Variants in SLC28A2 observed in about 807,000 individuals in gnomAD.
SLC28A2 encodes solute carrier family 28 member 2, also known as sodium/nucleoside cotransporter 2.
SLC28A2 carries 69 observed loss-of-function variants against 72.9 expected under a neutral mutation model. The observed-to-expected ratio is 0.95, with a 90% confidence interval of 0.78 to 1.16. The LOEUF is 1.16. Ranked by LOEUF, SLC28A2 falls within the 50% of genes most tolerant of loss-of-function variation. The probability of loss-of-function intolerance (pLI) is 0.00; values close to 1 mark genes in which losing one functional copy is unlikely to be tolerated. For synonymous variants in SLC28A2, 296 were observed against 294.1 expected (o/e 1.01, Z -0.07); for missense variants, 745 against 791.1 (o/e 0.94, Z 0.70).
rs1404082843 is a variant in SLC28A2 at position 45,253,573 on chromosome 15, C to T, written c.170+53C>T. ...TTAGGAAAGGATCTAGGGTGGGCTG[C>T]CCCTTCAGGCAGCTTGTGGTATTAT... is the stretch of plus-strand genomic sequence containing the variant. On this transcript the variant is annotated intron_variant, in intron 3 of 17. Transcript: ENST00000347644. 3.4e-6 allele frequency: 4 copies of T among 1,168,758 alleles called. No individual in the cohort carries two copies. In the African/African-American group the frequency reaches 6.1e-5, roughly 18 times the overall value. The allele number at this position is 1,168,758 out of a possible 1,614,324, so 72.4% of individuals were successfully genotyped here. A position where few individuals can be genotyped will look rare whatever the true frequency, so the allele number is the denominator to read the frequency against.
At chr15:45,257,602 T>A (rs961547769) in intron 3 of SLC28A2, among the ~76,000 whole-genome samples, 1 of 152,234 alleles carries the variant, frequency 6.6e-6, no homozygotes, top group Non-Finnish European at 1.5e-5. Flanking sequence ...TCTGTATTGA[T>A]TTTTAAGTAT....
Position 45,266,264 on chromosome 15 carries a change from C to T in SLC28A2, c.942+103C>T, listed in dbSNP as rs549544941. 6.4e-5 allele frequency: 53 copies of T among 828,666 alleles called. No individual in the cohort carries two copies. The South Asian group carries it at 6.7e-4, about 10-fold the overall frequency. 51.3% of individuals were successfully genotyped at this position (828,666 alleles called of 1,614,324 possible). ...TTCTGAAAAGTCAAATAAATGAAGA[C>T]TGTGGGGCAGCCAATCTTGGATGAG... On this transcript the variant is annotated intron_variant, in intron 10 of 17. Coordinates refer to ENST00000347644, the MANE Select transcript of SLC28A2 (RefSeq NM_004212.4).
At chr15:45,262,997 G>A (rs1900207730) in intron 4 of SLC28A2, 64 bp from the exon 5 acceptor site, 1 of 1,390,394 alleles carries the variant, frequency 7.2e-7, no homozygotes, top group Non-Finnish European at 1.0e-6. Context: ...TTCATGACTG[G>A]AGTTTCATTT....
rs748555699 is a variant in SLC28A2 at position 45,265,134 on chromosome 15, G to A, written c.748G>A (p.Asp250Asn). 7.4e-6 allele frequency: 12 copies of A among 1,612,476 alleles called. No individual in the cohort carries two copies. The highest frequency in any genetic ancestry group is 1.0e-5 in the Non-Finnish European group (12 of 1,178,554). The change falls in exon 8 of 18, where the codon GAT becomes AAT. Residue 250 changes from aspartate to asparagine, a missense_variant. Coordinates refer to ENST00000347644, the MANE Select transcript of SLC28A2 (RefSeq NM_004212.4). ...GGCCGGCTCCAGTTTTGTCTTTGGG[G>A]ATACACTGGTCAAGGATGTCTTTGC... ...TVAGSSFVFG[D>N]TLVKDVFAFQ...
Position 45,269,524 on chromosome 15 carries a change from C to T in SLC28A2, c.1555C>T (p.Gln519Ter), listed in dbSNP as rs547420621. 6.2e-7 allele frequency: 1 copy of T among 1,613,346 alleles called. No homozygotes were observed. Among genetic ancestry groups the T allele is most frequent in the East Asian group, 2.2e-5 (1 of 44,896 alleles). ...GGAGGAGTGGATTGAGGGAGAGAAA[C>T]AGTGGATTTCTGTAAGTGACAATCC... The part of the protein sequence containing the change: ...GMEEWIEGEK[Q>*]WISVRAEIIT... The change falls in exon 14 of 18, where the codon CAG (glutamine) becomes TAG (stop). Residue 519 changes from glutamine to a stop codon, truncating the protein, a stop_gained. Coordinates refer to ENST00000347644, the MANE Select transcript of SLC28A2 (RefSeq NM_004212.4). LOFTEE classifies it high-confidence loss of function.
intron 15 of SLC28A2, 197 bp from the exon 16 acceptor site, chr15:45,272,098 A>G (rs1324337100): frequency 9.2e-6 from 5 of 543,176 alleles, no homozygotes; most frequent in Admixed American, 3.3e-5. Flanking sequence ...AGGAAAGTCT[A>G]AGTTAGTGAT....
rs780656512 is a variant in SLC28A2, at chr15:45,264,766, C to G, written c.700C>G (p.Gln234Glu). 3 of 1,588,434 alleles carry G rather than the reference C, an allele frequency of 1.9e-6. No individual in the cohort carries two copies. In the South Asian group the frequency reaches 3.3e-5, roughly 18 times the overall value. The change falls in exon 7 of 18, where the codon CAG becomes GAG. Residue 234 changes from glutamine (Q) to glutamate (E), a missense_variant and splice_region_variant. Gln to Glu is a conservative substitution (Grantham distance 29). Transcript: ENST00000347644. ...ATTTCAGTGGCTGGGAGAGCAGGTCCAGGTATGAGAAATTAAATGCGAGGG... is the reference window on the plus strand; with the variant it reads ...ATTTCAGTGGCTGGGAGAGCAGGTCGAGGTATGAGAAATTAAATGCGAGGG... ...TVFQWLGEQV[Q>E]IFLNYTVAGS...
At chr15:45,254,175 C>T (rs942722409) in intron 3 of SLC28A2, among the ~76,000 whole-genome samples, 6 of 152,044 alleles carry the variant, frequency 3.9e-5, no homozygotes, top group Non-Finnish European at 8.8e-5. Flanking sequence ...AGCAATGTTC[C>T]ATGGTCTGGA....
chr15:45,256,827 A>G (rs1040885101), intron 3 of SLC28A2, among the ~76,000 whole-genome samples: 7 of 152,048 alleles, frequency 4.6e-5, no homozygotes, highest in African/African-American at 1.2e-4. Context: ...CCTCCTGCCA[A>G]TCTATCCTAT....
chr15:45,256,551 G>A (rs764945374), intron 3 of SLC28A2, among the ~76,000 whole-genome samples: 15 of 151,666 alleles, frequency 9.9e-5, no homozygotes, highest in Non-Finnish European at 1.6e-4. Context: ...GGGATTACAC[G>A]TGCTACCACA....
intron 6 of SLC28A2, 35 bp from the exon 7 acceptor site, chr15:45,264,620 A>T: frequency 7.3e-7 from 1 of 1,377,532 alleles, no homozygotes; most frequent in Non-Finnish European, 1.0e-6. Flanking sequence ...GGACTAGCAG[A>T]ACTCACATTG....
chr15:45,268,101 T>C (rs1430639069), intron 12 of SLC28A2, 109 bp from the exon 13 acceptor site: 12 of 1,047,044 alleles, frequency 1.1e-5, no homozygotes, highest in African/African-American at 3.2e-5. Context: ...ACCTTCTACA[T>C]TGGCCTTGCA....
chr15:45,253,315 T>G lies in SLC28A2; in HGVS notation c.81+19T>G, dbSNP rs770250666. ...GCTCATGGTAATCACCAGTTTAGTT[T>G]CTCTCTGCAGAGCTGTGGGCTGCTG... is the stretch of plus-strand genomic sequence containing the variant. On this transcript the variant is annotated intron_variant, in intron 2 of 17. Transcript: ENST00000347644. 5.0e-6 allele frequency: 8 copies of G among 1,602,266 alleles called. No homozygotes were observed. In the East Asian group the frequency reaches 1.6e-4, roughly 31 times the overall value.
At chr15:45,259,398 TG>T (rs988295055) in intron 3 of SLC28A2, among the ~76,000 whole-genome samples, 1 of 152,226 alleles carries the variant, frequency 6.6e-6, no homozygotes, top group Non-Finnish European at 1.5e-5. Context: ...CTTGAACTAT[TG>T]GGCTCAAGTG....
intron 16 of SLC28A2, 127 bp from the exon 17 acceptor site, chr15:45,272,546 A>C (rs1900607945): frequency 2.4e-6 from 2 of 818,220 alleles, no homozygotes; most frequent in Non-Finnish European, 4.1e-6. Flanking sequence ...TGATTTACCC[A>C]TGCATTCCAC....
At position 45,263,454 on chromosome 15, in the gene SLC28A2, A is replaced by G. The variant is rs542273593; in HGVS notation, c.446+210A>G. 7.2e-5 allele frequency among the ~76,000 whole-genome samples: 11 copies of G among 152,112 alleles called. No homozygotes were observed. The South Asian group carries it at 2.3e-3, about 32-fold the overall frequency. On this transcript the variant is annotated intron_variant, in intron 5 of 17. Transcript: ENST00000347644. ...CTCAACATTGCTGGGGGGCAGGAGG[A>G]GTTTAGTTTCAGAGAAGAGTTTTAG... is the stretch of plus-strand genomic sequence containing the variant.
chr15:45,265,453 C>G, intron 8 of SLC28A2, 130 bp from the exon 9 acceptor site: 1 of 716,906 alleles, frequency 1.4e-6, no homozygotes. Context: ...TATCCCTAAA[C>G]TAGTTTGTGT....
chr15:45,267,869 T>G, intron 12 of SLC28A2, 73 bp downstream of exon 12: 2 of 1,537,610 alleles, frequency 1.3e-6, no homozygotes, highest in South Asian at 1.1e-5. Flanking sequence ...TGGCAGAGAC[T>G]TCAAGTCTCC....
chr15:45,264,678 G>A lies in SLC28A2; in HGVS notation c.612G>A (p.Ser204=), dbSNP rs188897314. 22 of 1,612,398 alleles carry A rather than the reference G, an allele frequency of 1.4e-5. No homozygotes were observed. Among genetic ancestry groups the A allele is most frequent in the Non-Finnish European group, 1.8e-5 (21 of 1,178,604 alleles). ...AGGTGTCCTGGAGGACAGTGTTTTC[G>A]GGCCTAGGTCTTCAATTTGTCTTTG... ...HSAVSWRTVF[S]GLGLQFVFGI... Residue 204 remains serine (S), a synonymous_variant, in exon 7 of 18, where the codon TCG becomes TCA. Coordinates refer to ENST00000347644, the MANE Select transcript of SLC28A2 (RefSeq NM_004212.4).
Sources: gnomAD v4.1 joint callset for allele counts (sites outside exome capture counted in the v4.1 genomes callset) on GRCh38, gnomAD v4.1.1 for gene constraint, MANE v1.5 for transcripts, NCBI Gene and HGNC (gene_info 2026-07-23, HGNC 2026-07-21) for gene names.